Variants in EGFLAM observed in about 807,000 individuals in gnomAD.
The protein encoded by EGFLAM is pikachurin.
Under a neutral mutation model 113.1 loss-of-function variants are expected in EGFLAM, and 79 were observed. That is an observed-to-expected ratio of 0.70 (90% CI 0.58 to 0.84). The LOEUF is 0.84. Among genes scored for constraint, EGFLAM ranks in the 40% least tolerant of loss-of-function variants. The probability of loss-of-function intolerance (pLI) is 0.00; values close to 1 mark genes in which losing one functional copy is unlikely to be tolerated. For synonymous variants in EGFLAM, 504 were observed against 487.6 expected (o/e 1.03, Z -0.44); for missense variants, 1,265 against 1,291.6 (o/e 0.98, Z 0.32).
At chr5:38,269,297 A>G (rs1326784613) in intron 1 of EGFLAM, among the ~76,000 whole-genome samples, 1 of 152,174 alleles carries the variant, frequency 6.6e-6, no homozygotes, top group Non-Finnish European at 1.5e-5. Context: ...CTAGTTTACT[A>G]GAAACTCCTT....
chr5:38,259,200 G>A (rs1757439984), intron 1 of EGFLAM, among the ~76,000 whole-genome samples: 1 of 152,156 alleles, frequency 6.6e-6, no homozygotes, highest in Admixed American at 6.5e-5. Context: ...AGCCCCTCCT[G>A]CGTCTCCAAA....
At chr5:38,318,173 C>T (rs1738649686) in intron 1 of EGFLAM, among the ~76,000 whole-genome samples, 1 of 151,692 alleles carries the variant, frequency 6.6e-6, no homozygotes, top group Non-Finnish European at 1.5e-5. Flanking sequence ...AGAAAGAGGA[C>T]CCTCATTTTT....
chr5:38,337,637 C>T lies in EGFLAM; in HGVS notation c.207+8C>T. 1 of 1,587,684 alleles carries T rather than the reference C, an allele frequency of 6.3e-7. No individual in the cohort carries two copies. The highest frequency in any genetic ancestry group is 1.3e-5 in the African/African-American group (1 of 74,504). ...CCCATCCTTGGGTACACTGTGAGTA[C>T]ACGGGCATGGGAGTTTCCTCGGTGG... On this transcript the variant is annotated splice_region_variant and intron_variant, in intron 2 of 21. Transcript: ENST00000322350.
chr5:38,406,789 C>T, intron 7 of EGFLAM, 39 bp from the exon 8 acceptor site: 5 of 1,579,262 alleles, frequency 3.2e-6, no homozygotes, highest in Non-Finnish European at 4.3e-6. Context: ...TTGCCATGCT[C>T]TGTGTTCATC....
At chr5:38,398,000 T>G (rs1383821565) in intron 6 of EGFLAM, among the ~76,000 whole-genome samples, 1 of 152,218 alleles carries the variant, frequency 6.6e-6, no homozygotes, top group Non-Finnish European at 1.5e-5. Flanking sequence ...TCAGTCATTT[T>G]TTTGGCCAGG....
In EGFLAM at chr5:38,258,832, A is replaced by G; in HGVS notation, c.78A>G (p.Arg26=). ...TCGGACCCGGCGCGGTGTCGCTCCG[A>G]GCGGCCATCCGAAAACCAGGTAATG... The part of the protein sequence containing the change: ...SSLGPGAVSL[R]AAIRKPGKVG... The change falls in exon 1 of 22, where the codon CGA becomes CGG. Residue 26 remains arginine, a synonymous_variant. Transcript: ENST00000322350. The G allele has an allele frequency of 6.2e-7, 1 of 1,611,858 alleles. No homozygotes were observed. The highest frequency in any genetic ancestry group is 8.5e-7 in the Non-Finnish European group (1 of 1,179,338).
intron 10 of EGFLAM, among the ~76,000 whole-genome samples, chr5:38,412,228 A>C (rs954181035): frequency 3.3e-5 from 5 of 152,164 alleles, no homozygotes; most frequent in African/African-American, 4.8e-5. Context: ...CCAAATGCCC[A>C]TGATTTTCTA....
intron 1 of EGFLAM, among the ~76,000 whole-genome samples, chr5:38,266,886 T>C (rs1262604032): frequency 6.6e-6 from 1 of 152,136 alleles, no homozygotes; most frequent in Non-Finnish European, 1.5e-5. Context: ...GATAAGTTGA[T>C]TGGAGTAAAT....
chr5:38,451,438 G>T lies in EGFLAM; in HGVS notation c.2667G>T (p.Arg889=). 3 of 1,614,178 alleles carry T rather than the reference G, an allele frequency of 1.9e-6. No individual in the cohort carries two copies. Among genetic ancestry groups the T allele is most frequent in the Non-Finnish European group, 2.5e-6 (3 of 1,180,018 alleles). The stretch of plus-strand genomic sequence containing the variant: ...GCGACTTCATTTCCTTGGGCCTTCG[G>T]GATGGAGCCCTCGTGTTCAGGTAAC... The part of the protein sequence containing the change: ...PNSDFISLGL[R]DGALVFSYNL... Residue 889 remains arginine (R), a synonymous_variant, in exon 19 of 22, where the codon CGG becomes CGT. Coordinates refer to ENST00000322350, the MANE Select transcript of EGFLAM (RefSeq NM_152403.4).
intron 6 of EGFLAM, among the ~76,000 whole-genome samples, chr5:38,399,516 G>T (rs1461735681): frequency 6.6e-6 from 1 of 152,008 alleles, no homozygotes; most frequent in Admixed American, 6.6e-5. Flanking sequence ...GAGCTCAAGC[G>T]ATCCACCCAC....
chr5:38,461,726 A>G (rs1221065184), intron 20 of EGFLAM, among the ~76,000 whole-genome samples: 1 of 152,184 alleles, frequency 6.6e-6, no homozygotes, highest in African/African-American at 2.4e-5. Flanking sequence ...GTGCTATAGA[A>G]GCAAATGTAT....
intron 17 of EGFLAM, among the ~76,000 whole-genome samples, chr5:38,446,341 C>G (rs548282391): frequency 6.6e-6 from 1 of 152,252 alleles, no homozygotes; most frequent in South Asian, 2.1e-4. Flanking sequence ...TCCCGTCCTT[C>G]CTTGCCCGGT....
At chr5:38,384,617 T>A (rs1401822261) in intron 6 of EGFLAM, among the ~76,000 whole-genome samples, 5 of 152,112 alleles carry the variant, frequency 3.3e-5, no homozygotes, top group Admixed American at 6.5e-5. Flanking sequence ...CAGCCACATG[T>A]GGGAAAATCC....
intron 11 of EGFLAM, among the ~76,000 whole-genome samples, chr5:38,414,923 G>C (rs1167071617): frequency 1.3e-5 from 2 of 152,102 alleles, no homozygotes; most frequent in Non-Finnish European, 2.9e-5. Flanking sequence ...AGGAGAGGGG[G>C]GCATCCTTGG....
chr5:38,287,903 G>A (rs1758206951), intron 1 of EGFLAM, among the ~76,000 whole-genome samples: 1 of 152,188 alleles, frequency 6.6e-6, no homozygotes, highest in African/African-American at 2.4e-5. Context: ...ATTACCATAT[G>A]CCAGGTATTG....
chr5:38,376,544 C>T (rs776959914), intron 6 of EGFLAM, among the ~76,000 whole-genome samples: 15 of 152,248 alleles, frequency 9.9e-5, no homozygotes, highest in African/African-American at 1.9e-4. Context: ...TAGCAAAAGC[C>T]GTTTTGCTCT....
At chr5:38,368,267 G>A (rs1005350044) in intron 5 of EGFLAM, among the ~76,000 whole-genome samples, 1 of 152,100 alleles carries the variant, frequency 6.6e-6, no homozygotes. Flanking sequence ...TCCACTCACC[G>A]AGGTTTTCTC....
intron 1 of EGFLAM, among the ~76,000 whole-genome samples, chr5:38,296,603 T>C (rs1291222961): frequency 6.6e-6 from 1 of 152,062 alleles, no homozygotes; most frequent in Non-Finnish European, 1.5e-5. Flanking sequence ...ACAACATTAG[T>C]GGGCAAAAGT....
intron 17 of EGFLAM, chr5:38,445,709 A>G (rs776935895): frequency 6.3e-7 from 1 of 1,598,344 alleles, no homozygotes; most frequent in South Asian, 1.1e-5. Flanking sequence ...AATAGTAAGT[A>G]CAGTAAGTCC....
Sources: allele counts gnomAD v4.1 joint callset (sites outside exome capture counted in the v4.1 genomes callset), GRCh38; gene constraint gnomAD v4.1.1; transcripts MANE v1.5; gene names NCBI Gene and HGNC (gene_info 2026-07-23, HGNC 2026-07-21).